The following UBE2E2 variants were observed in gnomAD, a reference collection of about 807,000 sequenced individuals.
The protein encoded by UBE2E2 is ubiquitin-conjugating enzyme E2 E2.
In UBE2E2, 6 loss-of-function variants were observed where a neutral mutation model predicts 24.7. The ratio of observed to expected loss-of-function variants is 0.24; its 90% confidence interval spans 0.13 to 0.48. The LOEUF (loss-of-function observed/expected upper bound fraction) is 0.48, where lower values mean the gene tolerates loss of function less well. UBE2E2 is among the 20% of genes least tolerant of loss of function. The probability of loss-of-function intolerance (pLI) is 0.99; values close to 1 mark genes in which losing one functional copy is unlikely to be tolerated. For synonymous variants in UBE2E2, 104 were observed against 83.6 expected, an observed-to-expected ratio of 1.24 and a Z score of -1.33; for missense variants, 169 against 245.0, an observed-to-expected ratio of 0.69 and a Z score of 2.07.
chr3:23,568,696 C>CATAT (rs71057606), intron 5 of UBE2E2, among the ~76,000 whole-genome samples: 1 of 118,522 alleles, frequency 8.4e-6, no homozygotes, highest in African/African-American at 3.3e-5. Flanking sequence ...TATATACACA[C>CATAT]ATATATATAT....
At chr3:23,318,523 G>A (rs1173225510) in intron 3 of UBE2E2, among the ~76,000 whole-genome samples, 1 of 152,142 alleles carries the variant, frequency 6.6e-6, no homozygotes, top group African/African-American at 2.4e-5. Flanking sequence ...AGAAAAAGAG[G>A]TTTAATGGAC....
rs113000729 is a variant in UBE2E2, at chr3:23,567,172, G to A, written c.509-22562G>A. ...TGCCAGCAGAAAGATGGAAAACAAGGTTCACAATATGCTTCCCGTGATGTG... is the reference window on the plus strand; with the variant it reads ...TGCCAGCAGAAAGATGGAAAACAAGATTCACAATATGCTTCCCGTGATGTG... On this transcript the variant is annotated intron_variant, in intron 5 of 5. Coordinates refer to ENST00000396703, the MANE Select transcript of UBE2E2 (RefSeq NM_152653.4). Among the ~76,000 whole-genome samples the A allele has an allele frequency of 5.5e-3, 836 of 152,250 alleles. 8 individuals are homozygous for A. Among genetic ancestry groups the A allele is most frequent in the African/African-American group, 0.019 (798 of 41,544 alleles).
intron 3 of UBE2E2, among the ~76,000 whole-genome samples, chr3:23,457,934 C>G (rs1310269785): frequency 1.3e-5 from 2 of 149,582 alleles, no homozygotes; most frequent in Admixed American, 7.2e-5. Context: ...TCTATTCAGA[C>G]CACTAAAACT....
Position 23,208,894 on chromosome 3 carries a change from C to T in UBE2E2, c.176+19C>T. The T allele has an allele frequency of 1.9e-6, 3 of 1,577,526 alleles. No individual in the cohort carries two copies. Among genetic ancestry groups the T allele is most frequent in the South Asian group, 1.2e-5 (1 of 85,262 alleles). On this transcript the variant is annotated intron_variant, in intron 2 of 5. Transcript: ENST00000396703. ...CTAAAAGGTACTTCAGTTATTATAA[C>T]CTTTTTATTGTTGGTATCAATTTAT... is the stretch of plus-strand genomic sequence containing the variant.
At position 23,365,179 on chromosome 3, in the gene UBE2E2, C is replaced by T. The variant is rs75696234; in HGVS notation, c.228-134429C>T. Among the ~76,000 whole-genome samples, 259 of 152,280 alleles carry T rather than the reference C, an allele frequency of 1.7e-3. 1 individual carries two copies. Among genetic ancestry groups the T allele is most frequent in the African/African-American group, 6.0e-3 (250 of 41,550 alleles). ...CACAGCAAACATCATACTGAATGGGCAAAAGCTGGAAGCATTCCCCTTGAG... is the reference window on the plus strand; with the variant it reads ...CACAGCAAACATCATACTGAATGGGTAAAAGCTGGAAGCATTCCCCTTGAG... On this transcript the variant is annotated intron_variant, in intron 3 of 5. Transcript: ENST00000396703.
rs34447431 is a variant in UBE2E2, at chr3:23,411,969, A to G, written c.228-87639A>G. Among the ~76,000 whole-genome samples, 955 of 152,322 alleles carry G rather than the reference A, an allele frequency of 6.3e-3. 5 individuals carry two copies. The highest frequency in any genetic ancestry group is 0.011 in the Non-Finnish European group (744 of 68,024). On this transcript the variant is annotated intron_variant, in intron 3 of 5. Coordinates refer to ENST00000396703, the MANE Select transcript of UBE2E2 (RefSeq NM_152653.4). Reference sequence around the variant, plus strand: ...TCACAGTTGCTTGTCTACAATGTATATAAGTGTAGAGAGAAGTAGAGTTAA... The same window carrying G: ...TCACAGTTGCTTGTCTACAATGTATGTAAGTGTAGAGAGAAGTAGAGTTAA...
At chr3:23,523,735 A>C (rs1300315030) in intron 4 of UBE2E2, among the ~76,000 whole-genome samples, 1 of 152,134 alleles carries the variant, frequency 6.6e-6, no homozygotes, top group African/African-American at 2.4e-5. Context: ...TGTCACTAAT[A>C]AAAAATTAAT....
rs548467924 is a variant in UBE2E2 at position 23,480,660 on chromosome 3, A to C, written c.228-18948A>C. ...AAAAAAAAAAAAGAAGAGGATTCAG[A>C]GATCCAAGAAAGGCATAAAGGTGGA... is the stretch of plus-strand genomic sequence containing the variant. On this transcript the variant is annotated intron_variant, in intron 3 of 5. Transcript: ENST00000396703. Among the ~76,000 whole-genome samples the C allele has an allele frequency of 1.4e-3, 216 of 152,200 alleles. 1 individual carries two copies. Among genetic ancestry groups the C allele is most frequent in the African/African-American group, 4.9e-3 (205 of 41,546 alleles).
intron 3 of UBE2E2, among the ~76,000 whole-genome samples, chr3:23,317,025 G>A (rs997316619): frequency 3.9e-5 from 6 of 152,096 alleles, no homozygotes; most frequent in Non-Finnish European, 8.8e-5. Flanking sequence ...TCCTCAAGAA[G>A]AAGGAAAGGG....
At chr3:23,309,402 A>T (rs1699317674) in intron 3 of UBE2E2, among the ~76,000 whole-genome samples, 1 of 152,240 alleles carries the variant, frequency 6.6e-6, no homozygotes, top group African/African-American at 2.4e-5. Flanking sequence ...CAAATACCTC[A>T]TTCATTCATT....
chr3:23,534,115 T>A, intron 5 of UBE2E2: 1 of 876,578 alleles, frequency 1.1e-6, no homozygotes, highest in Non-Finnish European at 1.4e-6. Flanking sequence ...TTGGAGGTAA[T>A]GTTGCAAGAA....
chr3:23,524,313 A>G (rs1694939319), intron 4 of UBE2E2, among the ~76,000 whole-genome samples: 1 of 152,150 alleles, frequency 6.6e-6, no homozygotes, highest in Non-Finnish European at 1.5e-5. Flanking sequence ...TATACCTTAA[A>G]GTGATGCATT....
chr3:23,259,132 A>G (rs1157887577), intron 3 of UBE2E2, among the ~76,000 whole-genome samples: 1 of 152,142 alleles, frequency 6.6e-6, no homozygotes. Context: ...AAAGTGTGGA[A>G]CAGGGGCATA....
At chr3:23,528,074 T>C (rs1695041160) in intron 4 of UBE2E2, among the ~76,000 whole-genome samples, 1 of 152,140 alleles carries the variant, frequency 6.6e-6, no homozygotes, top group Non-Finnish European at 1.5e-5. Context: ...CCTAAACCTG[T>C]AGGTTCTGAC....
intron 3 of UBE2E2, among the ~76,000 whole-genome samples, chr3:23,356,924 C>T (rs1023027316): frequency 2.0e-5 from 3 of 152,232 alleles, no homozygotes; most frequent in Admixed American, 1.3e-4. Context: ...TTTATTTCTC[C>T]TCACACAGAT....
At chr3:23,264,291 C>G (rs973398896) in intron 3 of UBE2E2, among the ~76,000 whole-genome samples, 2 of 150,172 alleles carry the variant, frequency 1.3e-5, no homozygotes, top group African/African-American at 4.9e-5. Flanking sequence ...GGTTACACAG[C>G]TATTATAGCT....
At chr3:23,585,859 T>A (rs557031577) in intron 5 of UBE2E2, among the ~76,000 whole-genome samples, 3 of 146,032 alleles carry the variant, frequency 2.1e-5, no homozygotes, top group African/African-American at 7.8e-5. Context: ...GATGGCAGAG[T>A]GAAACTGTCT....
At chr3:23,570,588 T>C (rs1360025051) in intron 5 of UBE2E2, among the ~76,000 whole-genome samples, 1 of 152,198 alleles carries the variant, frequency 6.6e-6, no homozygotes, top group East Asian at 1.9e-4. Context: ...TACTCTTAAA[T>C]GTAAATTTCA....
chr3:23,425,967 A>G (rs368956358), intron 3 of UBE2E2, among the ~76,000 whole-genome samples: 3 of 152,210 alleles, frequency 2.0e-5, no homozygotes, highest in South Asian at 2.1e-4. Flanking sequence ...TAAAACAACT[A>G]TCATTAAAAT....
Sources: allele counts gnomAD v4.1 joint callset (sites outside exome capture counted in the v4.1 genomes callset), GRCh38; gene constraint gnomAD v4.1.1; transcripts MANE v1.5; gene names NCBI Gene and HGNC (gene_info 2026-07-23, HGNC 2026-07-21).